LOXHD1: variants seen among roughly 807,000 people sequenced by gnomAD.
LOXHD1 encodes the protein lipoxygenase homology domain-containing protein 1.
In LOXHD1, 205 loss-of-function variants were observed where a neutral mutation model predicts 248.2. The observed-to-expected ratio is 0.83, with a 90% CI of 0.74 to 0.93. The LOEUF is 0.93. Ranked by LOEUF, LOXHD1 falls within the 40% of genes least tolerant of loss-of-function variation. The pLI is 0.00. For missense variants in LOXHD1, 2,930 were observed against 2,971.6 expected (o/e 0.99, Z 0.33); for synonymous variants, 1,113 against 1,162.8 (o/e 0.96, Z 0.87).
intron 29 of LOXHD1, among the ~76,000 whole-genome samples, chr18:46,525,690 T>C (rs920969531): frequency 4.6e-5 from 7 of 152,004 alleles, no homozygotes; most frequent in Non-Finnish European, 8.8e-5. Context: ...ATGTGGGAAG[T>C]TAGGATGGGA....
In LOXHD1 at chr18:46,601,245, C is replaced by A; in HGVS notation, c.1106G>T (p.Gly369Val). The change falls in exon 8 of 41, where the codon GGT becomes GTT. Residue 369 changes from glycine (G) to valine (V), a missense_variant. Transcript: ENST00000642948. ...SRVSVGHGNV[G>V]VNRGWFCEKV... ...CTCACAGAACCAGCCTCTGTTGACA[C>A]CCACATTGCCATGCCCGACGGAGAC... 1 of 1,551,670 alleles carries A rather than the reference C, an allele frequency of 6.4e-7. No individual in the cohort carries two copies.
At chr18:46,540,348 G>A (rs1293266073) in intron 25 of LOXHD1, among the ~76,000 whole-genome samples, 1 of 152,174 alleles carries the variant, frequency 6.6e-6, no homozygotes, top group African/African-American at 2.4e-5. Context: ...ACAATGGCTT[G>A]AAAAGGCCCT....
At chr18:46,504,203 T>C (rs945472495) in intron 37 of LOXHD1, among the ~76,000 whole-genome samples, 3 of 152,140 alleles carry the variant, frequency 2.0e-5, no homozygotes, top group African/African-American at 7.2e-5. Flanking sequence ...AGCCTTGACC[T>C]CAAGTGATCC....
chr18:46,565,472 G>T (rs772963019), intron 17 of LOXHD1, among the ~76,000 whole-genome samples: 1 of 152,102 alleles, frequency 6.6e-6, no homozygotes, highest in East Asian at 1.9e-4. Flanking sequence ...GCCTGTGAGC[G>T]CAAGGGTTTT....
At chr18:46,584,777 A>C (rs888164239) in intron 12 of LOXHD1, among the ~76,000 whole-genome samples, 1 of 152,126 alleles carries the variant, frequency 6.6e-6, no homozygotes, top group African/African-American at 2.4e-5. Flanking sequence ...AAAACTACAG[A>C]CCAATATCTC....
intron 7 of LOXHD1, among the ~76,000 whole-genome samples, chr18:46,603,695 G>C (rs949194028): frequency 9.9e-5 from 15 of 152,148 alleles, no homozygotes; most frequent in African/African-American, 3.1e-4. Flanking sequence ...AACAATAACA[G>C]TTCCTACTTT....
intron 27 of LOXHD1, 117 bp from the exon 28 acceptor site, chr18:46,533,441 A>T: frequency 9.0e-7 from 1 of 1,113,350 alleles, no homozygotes; most frequent in Non-Finnish European, 1.3e-6. Flanking sequence ...CCCCATAAAT[A>T]ATGTAAAAGC....
chr18:46,598,465 G>A (rs983985256), intron 8 of LOXHD1, among the ~76,000 whole-genome samples: 11 of 151,012 alleles, frequency 7.3e-5, no homozygotes, highest in African/African-American at 2.7e-4. Context: ...AGGCCATGTG[G>A]TCAAATAAAC....
intron 4 of LOXHD1, among the ~76,000 whole-genome samples, chr18:46,632,489 C>T (rs2038838153): frequency 6.6e-6 from 1 of 152,188 alleles, no homozygotes; most frequent in East Asian, 1.9e-4. Context: ...TGCTTAACTT[C>T]CAGCCAGGGG....
intron 21 of LOXHD1, among the ~76,000 whole-genome samples, chr18:46,555,981 A>G (rs1302074900): frequency 6.6e-6 from 1 of 152,132 alleles, no homozygotes; most frequent in Admixed American, 6.5e-5. Flanking sequence ...GCGGACATCC[A>G]TAAGCTATGC....
chr18:46,594,733 G>A (rs16939690), intron 8 of LOXHD1, among the ~76,000 whole-genome samples: 3,714 of 152,256 alleles, frequency 0.024, 149 homozygotes, highest in African/African-American at 0.084. Context: ...TTTGAATACC[G>A]TATTTCTTTA....
chr18:46,496,938 G>C (rs995426130), intron 37 of LOXHD1, among the ~76,000 whole-genome samples: 3 of 152,236 alleles, frequency 2.0e-5, no homozygotes, highest in Non-Finnish European at 4.4e-5. Context: ...GGGAGGCAGA[G>C]GTTGCAGTGA....
chr18:46,649,993 T>G (rs965670085), intron 1 of LOXHD1, among the ~76,000 whole-genome samples: 17 of 152,064 alleles, frequency 1.1e-4, no homozygotes, highest in African/African-American at 3.9e-4. Flanking sequence ...GCAGAAGTTT[T>G]GGAAAGGCTG....
At chr18:46,608,858 T>C (rs2038462088) in intron 6 of LOXHD1, among the ~76,000 whole-genome samples, 1 of 152,170 alleles carries the variant, frequency 6.6e-6, no homozygotes, top group African/African-American at 2.4e-5. Context: ...TCAGACTAAT[T>C]ATGAAAACAG....
chr18:46,575,264 G>T lies in LOXHD1; in HGVS notation c.1970+2443C>A, dbSNP rs540791455. On this transcript the variant is annotated intron_variant, in intron 14 of 40. Coordinates refer to ENST00000642948, the MANE Select transcript of LOXHD1 (RefSeq NM_001384474.1). ...CCTTTCTCTGTCTCTTATGGGCAAGGCCCATGAACTGTCCCTCCAGGGTCC... is the reference window on the plus strand; with the variant it reads ...CCTTTCTCTGTCTCTTATGGGCAAGTCCCATGAACTGTCCCTCCAGGGTCC... Among the ~76,000 whole-genome samples, 37 of 152,202 alleles carry T rather than the reference G, an allele frequency of 2.4e-4. No homozygotes were observed. The South Asian group carries it at 7.5e-3, about 31-fold the overall frequency.
chr18:46,604,522 C>A lies in LOXHD1; in HGVS notation c.760-293G>T, dbSNP rs569166272. ...GAAGCAAAAAATTTGGCAGCATGAGCCTTGTGAGACTGGTTACAAGAACTG... is the reference window on the plus strand; with the variant it reads ...GAAGCAAAAAATTTGGCAGCATGAGACTTGTGAGACTGGTTACAAGAACTG... On this transcript the variant is annotated intron_variant, in intron 6 of 40. Transcript: ENST00000642948. Among the ~76,000 whole-genome samples the A allele has an allele frequency of 9.2e-5, 14 of 152,298 alleles. No homozygotes were observed. The South Asian group carries it at 2.9e-3, about 32-fold the overall frequency.
chr18:46,624,918 T>C (rs1402561405), intron 4 of LOXHD1, among the ~76,000 whole-genome samples: 1 of 152,166 alleles, frequency 6.6e-6, no homozygotes, highest in African/African-American at 2.4e-5. Context: ...ACACTTCTTA[T>C]TAAAATCATA....
rs2037563334 is a variant in LOXHD1, at chr18:46,563,076, C to T, written c.2587G>A (p.Asp863Asn). The T allele has an allele frequency of 6.5e-7, 1 of 1,543,464 alleles. No homozygotes were observed. The highest frequency in any genetic ancestry group is 8.8e-7 in the Non-Finnish European group (1 of 1,140,172). Residue 863 changes from aspartate to asparagine, a missense_variant, in exon 18 of 41, where the codon GAC (aspartate) becomes AAC (asparagine). Asp to Asn is a conservative substitution (Grantham distance 23). Coordinates refer to ENST00000642948, the MANE Select transcript of LOXHD1 (RefSeq NM_001384474.1). ...TCGACCCCACATACCTGGAATGTGT[C>T]CTTGGACGCCCGTTCAAAAACTTTT... Reference protein sequence around the residue: ...RSKVFERASKDTFQLEAADVG... With the variant: ...RSKVFERASKNTFQLEAADVG...
intron 17 of LOXHD1, among the ~76,000 whole-genome samples, chr18:46,563,927 G>A (rs1054623958): frequency 9.2e-5 from 14 of 151,992 alleles, no homozygotes; most frequent in Non-Finnish European, 1.9e-4. Context: ...CAGAGAGAGC[G>A]ATCCATCGAA....
Sources: gnomAD v4.1 joint callset for allele counts (sites outside exome capture counted in the v4.1 genomes callset) on GRCh38, gnomAD v4.1.1 for gene constraint, MANE v1.5 for transcripts, NCBI Gene and HGNC (gene_info 2026-07-23, HGNC 2026-07-21) for gene names.